The following RAB30 variants were observed in gnomAD, a reference collection of about 807,000 sequenced individuals.
RAB30 encodes the protein ras-related protein Rab-30.
In RAB30, 9 loss-of-function variants were observed where a neutral mutation model predicts 25.1. The ratio of observed to expected loss-of-function variants is 0.36; its 90% CI spans 0.22 to 0.63. The LOEUF is 0.63. Ranked by LOEUF, RAB30 falls within the 20% of genes least tolerant of loss-of-function variation. The pLI, the probability that RAB30 is intolerant of heterozygous loss-of-function variation, is 0.69. For synonymous variants in RAB30, 77 were observed against 86.4 expected, an observed-to-expected ratio of 0.89 and a Z score of 0.60; for missense variants, 140 against 243.5, an observed-to-expected ratio of 0.58 and a Z score of 2.83.
intron 3 of RAB30, among the ~76,000 whole-genome samples, chr11:82,990,406 C>T (rs1856827672): frequency 6.6e-6 from 1 of 152,170 alleles, no homozygotes; most frequent in Non-Finnish European, 1.5e-5. Context: ...GTCAATTCTA[C>T]TTAACAGATT....
intron 1 of RAB30, among the ~76,000 whole-genome samples, chr11:83,046,142 C>T (rs1297987909): frequency 6.6e-6 from 1 of 152,178 alleles, no homozygotes; most frequent in African/African-American, 2.4e-5. Flanking sequence ...ATGGGATATA[C>T]TAAGCTGACT....
intron 1 of RAB30, chr11:83,034,432 A>G (rs922306453): frequency 1.3e-5 from 2 of 152,268 alleles, no homozygotes; most frequent in Non-Finnish European, 2.9e-5. Context: ...TTTTGCACTC[A>G]GTAAATCCTT....
At chr11:83,002,783 A>T (rs1054189275) in intron 1 of RAB30, among the ~76,000 whole-genome samples, 1 of 152,064 alleles carries the variant, frequency 6.6e-6, no homozygotes, top group Non-Finnish European at 1.5e-5. Flanking sequence ...ACAGAGTGGG[A>T]CTCTGTCGAT....
chr11:83,055,813 T>C (rs1300509098), intron 1 of RAB30, among the ~76,000 whole-genome samples: 4 of 152,226 alleles, frequency 2.6e-5, no homozygotes, highest in African/African-American at 9.7e-5. Context: ...CTTTGGAGGA[T>C]GCAGGAACAA....
At chr11:82,996,234 C>T (rs924618287) in intron 2 of RAB30, among the ~76,000 whole-genome samples, 6 of 152,284 alleles carry the variant, frequency 3.9e-5, no homozygotes, top group Non-Finnish European at 2.9e-5. Flanking sequence ...TTTCGTTTTC[C>T]GCAAAACCAC....
At chr11:83,046,761 C>G (rs918915282) in intron 1 of RAB30, among the ~76,000 whole-genome samples, 2 of 152,214 alleles carry the variant, frequency 1.3e-5, no homozygotes, top group Non-Finnish European at 2.9e-5. Flanking sequence ...TGCCAAAGTG[C>G]TGGGATTACA....
At chr11:82,989,277 AC>A (rs983027508) in intron 3 of RAB30, among the ~76,000 whole-genome samples, 53 of 152,260 alleles carry the variant, frequency 3.5e-4, no homozygotes, top group African/African-American at 1.2e-3. Flanking sequence ...CCAAAGACTA[AC>A]TAAAATGTGC....
At chr11:83,036,036 T>C (rs1857979749) in intron 1 of RAB30, among the ~76,000 whole-genome samples, 1 of 152,144 alleles carries the variant, frequency 6.6e-6, no homozygotes, top group Non-Finnish European at 1.5e-5. Context: ...ACAGCCAATA[T>C]CTTAACTGAC....
At chr11:83,052,668 C>T (rs746603959) in intron 1 of RAB30, among the ~76,000 whole-genome samples, 1 of 152,212 alleles carries the variant, frequency 6.6e-6, no homozygotes, top group Non-Finnish European at 1.5e-5. Flanking sequence ...ATTAGAAGTG[C>T]TGAGCCTTCC....
intron 1 of RAB30, among the ~76,000 whole-genome samples, chr11:83,010,993 G>T (rs1173707960): frequency 6.6e-6 from 1 of 152,222 alleles, no homozygotes; most frequent in African/African-American, 2.4e-5. Context: ...AGCTGCATTT[G>T]TCAGGACTGC....
chr11:83,055,180 G>A (rs139926330), intron 1 of RAB30, among the ~76,000 whole-genome samples: 2 of 152,322 alleles, frequency 1.3e-5, no homozygotes, highest in African/African-American at 4.8e-5. Flanking sequence ...CTCCAAAGTT[G>A]TTAGGGTTAT....
In RAB30 at chr11:83,071,737, T is replaced by C; in HGVS notation, c.-55A>G. 1 of 224,864 alleles carries C rather than the reference T, an allele frequency of 4.4e-6. No individual in the cohort carries two copies. The highest frequency in any genetic ancestry group is 1.5e-3 in the Middle Eastern group (1 of 674). The allele number at this position is 224,864 out of a possible 1,614,324, so 13.9% of individuals were successfully genotyped here. ...CACCCCAGGCATAAACAGAAATGGA[T>C]GTGCGAATGAGTCACGCACGCAAGG... On this transcript the variant is annotated 5_prime_UTR_variant, in exon 1 of 5. Transcript: ENST00000527633.
intron 1 of RAB30, among the ~76,000 whole-genome samples, chr11:83,010,323 T>A (rs187557322): frequency 2.0e-5 from 3 of 152,234 alleles, no homozygotes; most frequent in Admixed American, 2.0e-4. Flanking sequence ...TGGTGTCATA[T>A]GTCTATGCTC....
At chr11:83,006,030 T>G (rs772632146) in intron 1 of RAB30, among the ~76,000 whole-genome samples, 8 of 152,104 alleles carry the variant, frequency 5.3e-5, no homozygotes, top group Non-Finnish European at 1.0e-4. Context: ...TAATTTTAAC[T>G]ATATGTAGTT....
chr11:82,994,191 C>G, intron 2 of RAB30, 69 bp from the exon 3 acceptor site: 1 of 1,269,034 alleles, frequency 7.9e-7, no homozygotes, highest in South Asian at 1.2e-5. Flanking sequence ...TCTCCTCTCC[C>G]CCAGCAACAC....
At chr11:83,062,579 A>C (rs748864156) in intron 1 of RAB30, among the ~76,000 whole-genome samples, 6 of 152,250 alleles carry the variant, frequency 3.9e-5, no homozygotes, top group Non-Finnish European at 8.8e-5. Context: ...GAACTTGCTC[A>C]GTTTGAGAGT....
chr11:82,999,741 C>A (rs1590843549), intron 1 of RAB30, among the ~76,000 whole-genome samples: 1 of 152,100 alleles, frequency 6.6e-6, no homozygotes, highest in Non-Finnish European at 1.5e-5. Context: ...CACCCTCCCC[C>A]ACCACCCCAA....
At position 83,060,656 on chromosome 11, in the gene RAB30, T is replaced by C. The variant is rs540896749; in HGVS notation, c.-9+11035A>G. ...CAATTCACAGACAACAAACTTGGAATCTTCAAAAATTTCAATATCATAAAA... is the reference window on the plus strand; with the variant it reads ...CAATTCACAGACAACAAACTTGGAACCTTCAAAAATTTCAATATCATAAAA... On this transcript the variant is annotated intron_variant, in intron 1 of 4. Transcript: ENST00000527633. Among the ~76,000 whole-genome samples, 6 of 152,276 alleles carry C rather than the reference T, an allele frequency of 3.9e-5. No individual in the cohort carries two copies. The South Asian group carries it at 1.2e-3, about 32-fold the overall frequency.
intron 1 of RAB30, among the ~76,000 whole-genome samples, chr11:83,064,834 T>C (rs947595288): frequency 6.6e-6 from 1 of 152,204 alleles, no homozygotes; most frequent in Non-Finnish European, 1.5e-5. Flanking sequence ...GATTATCTAA[T>C]ATGTAGCTCC....
Sources: allele counts gnomAD v4.1 joint callset (sites outside exome capture counted in the v4.1 genomes callset), GRCh38; gene constraint gnomAD v4.1.1; transcripts MANE v1.5; gene names NCBI Gene and HGNC (gene_info 2026-07-23, HGNC 2026-07-21).